SYNJ2: variants seen among roughly 807,000 people sequenced by gnomAD.
The protein encoded by SYNJ2 is polyphosphatidylinositol phosphatase SYNJ2.
SYNJ2 carries 116 observed loss-of-function variants against 141.3 expected under a neutral mutation model. The observed-to-expected ratio is 0.82, with a 90% CI of 0.71 to 0.96. The LOEUF is 0.96. Ranked by LOEUF, SYNJ2 falls within the 40% of genes least tolerant of loss-of-function variation. The pLI is 0.00. For missense variants in SYNJ2, 1,873 were observed against 1,934.8 expected (o/e 0.97, Z 0.60); for synonymous variants, 745 against 777.7 (o/e 0.96, Z 0.70).
intron 1 of SYNJ2, 183 bp from the exon 2 acceptor site, chr6:158,017,021 T>C: frequency 7.6e-7 from 1 of 1,310,866 alleles, no homozygotes; most frequent in Non-Finnish European, 9.7e-7. Context: ...AAGGTCTGAA[T>C]CCTTGCAGCT....
At chr6:158,003,371 G>T (rs1033233166) in intron 1 of SYNJ2, among the ~76,000 whole-genome samples, 1 of 152,196 alleles carries the variant, frequency 6.6e-6, no homozygotes, top group African/African-American at 2.4e-5. Context: ...CTGCAGCCTT[G>T]CTCTGTCTTG....
rs1354283260 is a variant in SYNJ2, at chr6:158,088,645, C to T, written c.3344-15C>T. On this transcript the variant is annotated splice_polypyrimidine_tract_variant and intron_variant, in intron 23 of 26. Transcript: ENST00000355585. ...TTCACTGAGATTGAGACTCTGCCCT[C>T]GTTGGTTTTTACAGCCGGTTTAATG... 8.7e-6 allele frequency: 14 copies of T among 1,604,080 alleles called. No homozygotes were observed. The highest frequency in any genetic ancestry group is 9.4e-6 in the Non-Finnish European group (11 of 1,171,154).
rs886442936 is a variant in SYNJ2 at position 158,084,300 on chromosome 6, C to T, written c.3208+126C>T. 26 of 1,102,030 alleles carry T rather than the reference C, an allele frequency of 2.4e-5. No homozygotes were observed. In the African/African-American group the frequency reaches 3.8e-4, roughly 16 times the overall value. The allele number at this position is 1,102,030 out of a possible 1,614,324, so 68.3% of individuals were successfully genotyped here. ...ATGCAGGTCCCAGGAGAGACCTCAA[C>T]CAGGCAGGCCAAGCGAGGGGTAGGG... is the stretch of plus-strand genomic sequence containing the variant. On this transcript the variant is annotated intron_variant, in intron 22 of 26. Coordinates refer to ENST00000355585, the MANE Select transcript of SYNJ2 (RefSeq NM_003898.4). The surrounding 1 kb of genome is among the most constrained non-coding windows in gnomAD (Gnocchi z 5.0).
intron 1 of SYNJ2, 94 bp from the exon 2 acceptor site, chr6:158,017,110 T>C: frequency 1.3e-6 from 2 of 1,487,638 alleles, no homozygotes; most frequent in Non-Finnish European, 1.8e-6. Context: ...CTTTTTGGAG[T>C]GGGTGGGAAG....
intron 23 of SYNJ2, among the ~76,000 whole-genome samples, chr6:158,087,875 C>CT (rs749329722): frequency 0.086 from 8,132 of 94,410 alleles, 919 homozygotes; most frequent in African/African-American, 0.25. Flanking sequence ...CAACATACTT[C>CT]TTTTTTTTTT....
chr6:158,061,702 A>G (rs770522672), intron 7 of SYNJ2, among the ~76,000 whole-genome samples: 2 of 152,164 alleles, frequency 1.3e-5, no homozygotes, highest in Non-Finnish European at 2.9e-5. Context: ...AGAGCCCTGC[A>G]GGAGTATGAT....
Position 157,981,929 on chromosome 6 carries a change from CCCCGGCCCCCGCCCGCAGTGGG to C in SYNJ2, c.-28_-7del, listed in dbSNP as rs753329091. 1.4e-4 allele frequency: 174 copies of C among 1,223,476 alleles called. No individual in the cohort carries two copies. The highest frequency in any genetic ancestry group is 1.7e-4 in the Non-Finnish European group (167 of 982,076). The allele number at this position is 1,223,476 out of a possible 1,614,324, so 75.8% of individuals were successfully genotyped here. A position where few individuals can be genotyped will look rare whatever the true frequency, so the allele number is the denominator to read the frequency against. ...GCAGCGCGCCCTCGGGAGGACGTGGCCCCGGCCCCCGCCCGCAGTGGGCCCGACCCTCATGGCCCTGAGCAAA... is the reference window on the plus strand; with the variant it reads ...GCAGCGCGCCCTCGGGAGGACGTGGCCCCGACCCTCATGGCCCTGAGCAAA... On this transcript the variant is annotated 5_prime_UTR_variant, in exon 1 of 27. Transcript: ENST00000355585. The surrounding 1 kb of genome is among the most constrained non-coding windows in gnomAD (Gnocchi z 6.4).
rs139024768 is a variant in SYNJ2, at chr6:158,031,201, G to A, written c.485+2175G>A. Among the ~76,000 whole-genome samples, 1,281 of 152,322 alleles carry A rather than the reference G, an allele frequency of 8.4e-3. 19 individuals carry two copies. Among genetic ancestry groups the A allele is most frequent in the African/African-American group, 0.029 (1,207 of 41,572 alleles). ...TATGAGGTATCTTTGTGTGGAGTCC[G>A]TGAAACTATTTTAAACCAGAACTGT... is the stretch of plus-strand genomic sequence containing the variant. On this transcript the variant is annotated intron_variant, in intron 3 of 26. Transcript: ENST00000355585.
chr6:158,088,848 T>C (rs1783252081), intron 24 of SYNJ2, 76 bp downstream of exon 24: 1 of 1,030,524 alleles, frequency 9.7e-7, no homozygotes, highest in African/African-American at 1.6e-5. Context: ...TCTCAGTGAA[T>C]ATATAGATTT....
chr6:158,072,654 T>C (rs753736486), intron 15 of SYNJ2, among the ~76,000 whole-genome samples: 1 of 152,008 alleles, frequency 6.6e-6, no homozygotes, highest in Non-Finnish European at 1.5e-5. Context: ...AGAAGTGCCA[T>C]AATTCCTGTT....
At chr6:158,054,766 G>A (rs1004168934) in intron 5 of SYNJ2, among the ~76,000 whole-genome samples, 6 of 152,180 alleles carry the variant, frequency 3.9e-5, no homozygotes, top group African/African-American at 9.7e-5. Flanking sequence ...AGCCAGACTC[G>A]AGGCACCTAG....
chr6:158,033,545 C>T lies in SYNJ2; in HGVS notation c.576C>T (p.Arg192=), dbSNP rs1215214142. The change falls in exon 4 of 27, where the codon CGC becomes CGT. Residue 192 remains arginine, a synonymous_variant. Transcript: ENST00000355585. The part of the protein sequence containing the change: ...LKIICGVVTI[R]TVYASHKQAK... Reference sequence around the variant, plus strand: ...TCATCTGCGGGGTGGTCACCATCCGCACCGTGTATGCCTCCCACAAGCAGG... The same window carrying T: ...TCATCTGCGGGGTGGTCACCATCCGTACCGTGTATGCCTCCCACAAGCAGG... 33 of 1,614,098 alleles carry T rather than the reference C, an allele frequency of 2.0e-5. No individual in the cohort carries two copies. The highest frequency in any genetic ancestry group is 2.6e-5 in the Non-Finnish European group (31 of 1,180,056).
chr6:158,072,934 G>A (rs187044149), intron 15 of SYNJ2, among the ~76,000 whole-genome samples: 5 of 151,694 alleles, frequency 3.3e-5, no homozygotes, highest in South Asian at 2.1e-4. Flanking sequence ...TTAGCCAGGC[G>A]TGGTGGCGTG....
At chr6:157,998,813 G>T (rs747469654) in intron 1 of SYNJ2, among the ~76,000 whole-genome samples, 2 of 152,178 alleles carry the variant, frequency 1.3e-5, no homozygotes, top group Admixed American at 1.3e-4. Flanking sequence ...CACTCGAAGC[G>T]TTGAGCTCCA....
At chr6:158,028,441 C>T in intron 2 of SYNJ2, 1 of 403,162 alleles carries the variant, frequency 2.5e-6, no homozygotes, top group South Asian at 2.7e-5. Context: ...GCATCAGAAT[C>T]ACCTGGAGGG....
chr6:158,067,994 G>C (rs1781668197), intron 12 of SYNJ2: 1 of 985,112 alleles, frequency 1.0e-6, no homozygotes, highest in African/African-American at 1.7e-5. Flanking sequence ...AAGCTGGCTG[G>C]TATTTTGCAG....
chr6:158,025,804 T>C (rs1390950036), intron 2 of SYNJ2, among the ~76,000 whole-genome samples: 3 of 152,012 alleles, frequency 2.0e-5, no homozygotes, highest in Non-Finnish European at 2.9e-5. Context: ...AATATAAAAT[T>C]AGCTGGGCGT....
At chr6:158,002,494 A>G (rs1464462789) in intron 1 of SYNJ2, 1 of 152,234 alleles carries the variant, frequency 6.6e-6, no homozygotes, top group Non-Finnish European at 1.5e-5. Context: ...CAGGTTCAGG[A>G]AGAAGTGAGT....
intron 1 of SYNJ2, among the ~76,000 whole-genome samples, chr6:157,999,217 G>A (rs1030964855): frequency 5.3e-5 from 8 of 152,206 alleles, no homozygotes; most frequent in Non-Finnish European, 7.3e-5. Context: ...TGCCCAGCAC[G>A]GCCATTTGCA....
Sources: allele counts gnomAD v4.1 joint callset (sites outside exome capture counted in the v4.1 genomes callset), GRCh38; gene constraint gnomAD v4.1.1; non-coding constraint Gnocchi (gnomAD v3.1); transcripts MANE v1.5; gene names NCBI Gene and HGNC (gene_info 2026-07-23, HGNC 2026-07-21).